Variants in PLXDC2 observed in about 807,000 individuals in gnomAD.
PLXDC2 encodes the protein plexin domain containing 2.
Under a neutral mutation model 68.9 loss-of-function variants are expected in PLXDC2, and 40 were observed. The observed-to-expected ratio is 0.58, with a 90% confidence interval of 0.45 to 0.76. The LOEUF is 0.76. Among genes scored for constraint, PLXDC2 ranks in the 30% least tolerant of loss-of-function variants. The pLI, the probability that PLXDC2 is intolerant of heterozygous loss-of-function variation, is 0.00. For missense variants in PLXDC2, 644 were observed against 661.9 expected (o/e 0.97, Z 0.30); for synonymous variants, 243 against 234.2 (o/e 1.04, Z -0.34).
At chr10:19,970,310 C>A (rs987305924) in intron 1 of PLXDC2, among the ~76,000 whole-genome samples, 1 of 152,202 alleles carries the variant, frequency 6.6e-6, no homozygotes, top group Non-Finnish European at 1.5e-5. Flanking sequence ...TCAACTGCCT[C>A]ATCATCATCA....
chr10:20,052,265 C>G (rs1835917016), intron 3 of PLXDC2, among the ~76,000 whole-genome samples: 1 of 152,066 alleles, frequency 6.6e-6, no homozygotes, highest in Non-Finnish European at 1.5e-5. Flanking sequence ...TTAGCCTGAG[C>G]TTTCCAAATT....
Position 19,884,865 on chromosome 10 carries a change from C to T in PLXDC2, c.112+67674C>T, listed in dbSNP as rs567513259. ...TGATTTATAGTCCTTTGGGTATATA[C>T]CCAGTAATGGGATGGCTGGGTCAAA... is the stretch of plus-strand genomic sequence containing the variant. On this transcript the variant is annotated intron_variant, in intron 1 of 13. Transcript: ENST00000377252. 5.1e-3 allele frequency among the ~76,000 whole-genome samples: 771 copies of T among 152,254 alleles called. 6 individuals are homozygous for T. Among genetic ancestry groups the T allele is most frequent in the African/African-American group, 0.016 (682 of 41,538 alleles).
intron 4 of PLXDC2, among the ~76,000 whole-genome samples, chr10:20,086,326 CTTTAT>C (rs71893911): frequency 0.2 from 30,421 of 150,058 alleles, 3,752 homozygotes; most frequent in African/African-American, 0.35. Context: ...CACCTGACTA[CTTTAT>C]TTTATTTTAT....
Position 19,820,739 on chromosome 10 carries a change from A to G in PLXDC2, c.112+3548A>G, listed in dbSNP as rs138499334. 4.0e-3 allele frequency among the ~76,000 whole-genome samples: 604 copies of G among 152,198 alleles called. 3 individuals carry two copies. The highest frequency in any genetic ancestry group is 0.014 in the African/African-American group (571 of 41,518). ...CCTATTGCAGAAACATTATGTTTTT[A>G]AAGAGGAATGAGTTGATCAACAGCC... is the stretch of plus-strand genomic sequence containing the variant. On this transcript the variant is annotated intron_variant, in intron 1 of 13. Coordinates refer to ENST00000377252, the MANE Select transcript of PLXDC2 (RefSeq NM_032812.9).
At chr10:19,941,972 GA>G (rs1833827150) in intron 1 of PLXDC2, among the ~76,000 whole-genome samples, 1 of 128,074 alleles carries the variant, frequency 7.8e-6, no homozygotes, top group African/African-American at 2.8e-5. Context: ...TTGACATTTA[GA>G]GAAAAAAAAA....
intron 1 of PLXDC2, among the ~76,000 whole-genome samples, chr10:19,976,419 T>G (rs1287262847): frequency 6.6e-6 from 1 of 152,176 alleles, no homozygotes; most frequent in Non-Finnish European, 1.5e-5. Flanking sequence ...TTCACTCTGT[T>G]GGCCAGGCTG....
At chr10:20,031,764 A>C (rs539617178) in intron 2 of PLXDC2, among the ~76,000 whole-genome samples, 4 of 152,220 alleles carry the variant, frequency 2.6e-5, no homozygotes, top group African/African-American at 9.6e-5. Context: ...AGTTCTAATC[A>C]CTATAATACA....
At chr10:20,224,400 C>A (rs1253581796) in intron 12 of PLXDC2, among the ~76,000 whole-genome samples, 2 of 152,106 alleles carry the variant, frequency 1.3e-5, no homozygotes, top group South Asian at 2.1e-4. Flanking sequence ...AAGTAGCTGA[C>A]TAGAAGAGTT....
intron 13 of PLXDC2, among the ~76,000 whole-genome samples, chr10:20,252,989 T>A (rs1218582848): frequency 1.3e-5 from 2 of 152,010 alleles, no homozygotes; most frequent in Admixed American, 1.3e-4. Flanking sequence ...ATCATAGAAC[T>A]TTTTATGGAG....
chr10:20,005,856 C>G (rs1289571249), intron 2 of PLXDC2, among the ~76,000 whole-genome samples: 1 of 152,142 alleles, frequency 6.6e-6, no homozygotes, highest in African/African-American at 2.4e-5. Context: ...GACAAATACA[C>G]AAACCATATC....
chr10:20,078,229 A>T (rs904605259), intron 4 of PLXDC2, among the ~76,000 whole-genome samples: 12 of 152,142 alleles, frequency 7.9e-5, no homozygotes, highest in Non-Finnish European at 1.6e-4. Flanking sequence ...AAAAAAAATT[A>T]AAAATTAGCA....
At chr10:19,890,621 C>T (rs560595695) in intron 1 of PLXDC2, among the ~76,000 whole-genome samples, 6 of 149,038 alleles carry the variant, frequency 4.0e-5, no homozygotes, top group Non-Finnish European at 7.4e-5. Flanking sequence ...GTGATCCACC[C>T]GCCTCAGCAT....
chr10:19,909,599 T>C (rs1833229152), intron 1 of PLXDC2, among the ~76,000 whole-genome samples: 1 of 152,194 alleles, frequency 6.6e-6, no homozygotes, highest in South Asian at 2.1e-4. Context: ...CATTCTTGCA[T>C]TCATTTATGT....
At chr10:19,918,420 C>T (rs2038912) in intron 1 of PLXDC2, among the ~76,000 whole-genome samples, 70,390 of 151,980 alleles carry the variant, frequency 0.46, 18,036 homozygotes, top group South Asian at 0.73. Flanking sequence ...CCATTCTCTA[C>T]ATTAAGGGAA....
chr10:20,032,164 A>G (rs562023264), intron 2 of PLXDC2, among the ~76,000 whole-genome samples: 1 of 152,312 alleles, frequency 6.6e-6, no homozygotes, highest in Admixed American at 6.5e-5. Context: ...GAAAGAAGAA[A>G]AAAGATCCGA....
chr10:20,048,879 A>T (rs974405364), intron 3 of PLXDC2, among the ~76,000 whole-genome samples: 1 of 152,004 alleles, frequency 6.6e-6, no homozygotes, highest in Non-Finnish European at 1.5e-5. Context: ...AATACTGTAG[A>T]CAGTCCATTT....
chr10:19,905,099 C>T (rs1046104499), intron 1 of PLXDC2, among the ~76,000 whole-genome samples: 1 of 152,220 alleles, frequency 6.6e-6, no homozygotes, highest in African/African-American at 2.4e-5. Flanking sequence ...GCATAGGTAA[C>T]ACCCTAAATC....
intron 2 of PLXDC2, among the ~76,000 whole-genome samples, chr10:20,044,218 T>TC: frequency 3.5e-4 from 5 of 14,466 alleles, no homozygotes; most frequent in Admixed American, 7.6e-4. Context: ...TCTGTCTTTC[T>TC]TTCTTTCTTT....
chr10:20,250,568 G>A (rs145949043), intron 13 of PLXDC2, among the ~76,000 whole-genome samples: 6 of 152,250 alleles, frequency 3.9e-5, no homozygotes, highest in African/African-American at 1.4e-4. Flanking sequence ...TCAACATCAC[G>A]CATTTGGTCA....
Sources: allele counts gnomAD v4.1 joint callset (sites outside exome capture counted in the v4.1 genomes callset), GRCh38; gene constraint gnomAD v4.1.1; transcripts MANE v1.5; gene names NCBI Gene and HGNC (gene_info 2026-07-23, HGNC 2026-07-21).